Variants in NTRK3 observed in about 807,000 individuals in gnomAD.
The protein encoded by NTRK3 is neurotrophic receptor tyrosine kinase 3, also known as NT-3 growth factor receptor.
Under a neutral mutation model 91.7 loss-of-function variants are expected in NTRK3, and 24 were observed. The observed-to-expected ratio is 0.26, with a 90% CI of 0.19 to 0.37. NTRK3 has a LOEUF of 0.37. Among genes scored for constraint, NTRK3 ranks in the 10% least tolerant of loss-of-function variants. NTRK3 has a pLI of 1.00. For synonymous variants in NTRK3, 483 were observed against 404.0 expected (o/e 1.20, Z -2.34); for missense variants, 880 against 1,068.9 (o/e 0.82, Z 2.46).
Position 88,056,204 on chromosome 15 carries a change from T to TATATATATATATATATA in NTRK3, c.1397-23160_1397-23159insTATATATATATATATAT, listed in dbSNP as rs377120482. ...TATATATATATATATATATATATAT[T>TATATATATATATATATA]TTTTTTTTAATGTAGAACCTTGATC... is the stretch of plus-strand genomic sequence containing the variant. On this transcript the variant is annotated intron_variant, in intron 13 of 18. Coordinates refer to ENST00000394480, the Ensembl canonical transcript of NTRK3. 3.9e-4 allele frequency among the ~76,000 whole-genome samples: 37 copies of TATATATATATATATATA among 95,194 alleles called. 1 individual carries two copies. Among genetic ancestry groups the TATATATATATATATATA allele is most frequent in the African/African-American group, 8.6e-4 (20 of 23,180 alleles). The allele number at this position is 95,194 out of a possible 152,430, so 62.5% of individuals were successfully genotyped here.
chr15:87,897,672 A>G (rs552400119), intron 17 of NTRK3, among the ~76,000 whole-genome samples: 11 of 152,316 alleles, frequency 7.2e-5, no homozygotes, highest in Admixed American at 5.9e-4. Context: ...CTAGATTTTG[A>G]AAAATCTGAC....
Position 88,162,802 on chromosome 15 carries a change from C to T in NTRK3, c.396-15399G>A, listed in dbSNP as rs1212900700. Among the ~76,000 whole-genome samples, 4 of 152,308 alleles carry T rather than the reference C, an allele frequency of 2.6e-5. No individual in the cohort carries two copies. The South Asian group carries it at 8.3e-4, about 32-fold the overall frequency. On this transcript the variant is annotated intron_variant, in intron 5 of 18. Coordinates refer to ENST00000394480, the Ensembl canonical transcript of NTRK3. ...CAGCTTCCTCCTCTTTCTCCAGCTT[C>T]CTGTCTCTTTTTTCCAGTACCTCCC...
intron 17 of NTRK3, among the ~76,000 whole-genome samples, chr15:87,907,032 A>G (rs2141700310): frequency 6.6e-6 from 1 of 152,264 alleles, no homozygotes; most frequent in Admixed American, 6.5e-5. Flanking sequence ...TGTAGCTCCT[A>G]TTTAATTATT....
At chr15:87,899,025 A>G (rs529919647) in intron 17 of NTRK3, among the ~76,000 whole-genome samples, 1 of 152,186 alleles carries the variant, frequency 6.6e-6, no homozygotes, top group Non-Finnish European at 1.5e-5. Context: ...TCTAATTGCA[A>G]CTGTTACTTA....
rs1360129685 is a variant in NTRK3 at position 87,945,805 on chromosome 15, A to G, written c.1586-5052T>C. Among the ~76,000 whole-genome samples, 6 of 34,572 alleles carry G rather than the reference A, an allele frequency of 1.7e-4. No individual in the cohort carries two copies. In the African/African-American group the frequency reaches 2.3e-3, roughly 13 times the overall value. The allele number at this position is 34,572 out of a possible 152,430, so 22.7% of individuals were successfully genotyped here. A position where few individuals can be genotyped will look rare whatever the true frequency, so the allele number is the denominator to read the frequency against. Reference sequence around the variant, plus strand: ...ACTGCTGAAAGAGTGAAGACTGGGAAAAAAAAAAAAAAAAAAAAAAAAAAC... The same window carrying G: ...ACTGCTGAAAGAGTGAAGACTGGGAGAAAAAAAAAAAAAAAAAAAAAAAAC... On this transcript the variant is annotated intron_variant, in intron 14 of 18. Coordinates refer to ENST00000394480, the Ensembl canonical transcript of NTRK3.
At chr15:88,057,912 G>A (rs548399862) in intron 13 of NTRK3, among the ~76,000 whole-genome samples, 2 of 152,340 alleles carry the variant, frequency 1.3e-5, no homozygotes, top group East Asian at 1.9e-4. Flanking sequence ...TACGCTGGGA[G>A]ATGCCTGCTG....
At chr15:88,092,757 G>A (rs202110266) in intron 13 of NTRK3, among the ~76,000 whole-genome samples, 6 of 152,188 alleles carry the variant, frequency 3.9e-5, no homozygotes, top group Non-Finnish European at 5.9e-5. Flanking sequence ...AGCAGCTGAT[G>A]GCATTCCTTG....
chr15:88,239,233 T>TA, intron 3 of NTRK3, among the ~76,000 whole-genome samples: 1 of 152,138 alleles, frequency 6.6e-6, no homozygotes, highest in Admixed American at 6.5e-5. Flanking sequence ...ATCACGAGAC[T>TA]GAGAGTGAAC....
intron 14 of NTRK3, among the ~76,000 whole-genome samples, chr15:87,973,952 C>A (rs147519176): frequency 6.6e-6 from 1 of 152,090 alleles, no homozygotes; most frequent in African/African-American, 2.4e-5. Context: ...ACAAAGGCTC[C>A]GGCTCTTTGC....
At chr15:87,992,695 T>C (rs997299908) in intron 14 of NTRK3, among the ~76,000 whole-genome samples, 4 of 152,236 alleles carry the variant, frequency 2.6e-5, no homozygotes. Context: ...GACCCTGGTT[T>C]GTGGATGCAG....
chr15:88,142,750 A>G (rs2042509246), intron 6 of NTRK3, among the ~76,000 whole-genome samples: 1 of 152,232 alleles, frequency 6.6e-6, no homozygotes, highest in Non-Finnish European at 1.5e-5. Flanking sequence ...TCAAGTGAAT[A>G]CACTGGGTTT....
At chr15:87,897,263 A>T (rs960627562) in intron 17 of NTRK3, among the ~76,000 whole-genome samples, 1 of 152,180 alleles carries the variant, frequency 6.6e-6, no homozygotes, top group African/African-American at 2.4e-5. Context: ...CCAGGAACAC[A>T]TGCCTTTTAT....
exon 19 of NTRK3, chr15:87,870,908 C>T (rs1477824222): frequency 8.7e-6 from 2 of 228,812 alleles, no homozygotes; most frequent in African/African-American, 4.4e-5. Context: ...CGACACTGAA[C>T]AAAAAGCAAT....
chr15:87,953,472 T>C (rs1405057641), intron 14 of NTRK3, among the ~76,000 whole-genome samples: 1 of 152,244 alleles, frequency 6.6e-6, no homozygotes, highest in Non-Finnish European at 1.5e-5. Context: ...TTGTTCTTAC[T>C]AGTCTCTGGG....
intron 13 of NTRK3, among the ~76,000 whole-genome samples, chr15:88,041,529 T>G (rs944759866): frequency 6.6e-6 from 1 of 152,192 alleles, no homozygotes; most frequent in Non-Finnish European, 1.5e-5. Context: ...AGCTTGAAGA[T>G]CCAGTGTGAC....
intron 14 of NTRK3, chr15:87,979,138 T>A (rs2073980564): frequency 1.6e-6 from 1 of 618,916 alleles, no homozygotes; most frequent in Admixed American, 2.8e-5. Flanking sequence ...AGCACAGTGA[T>A]GATTGGAGGG....
At chr15:88,072,545 T>G (rs1166128130) in intron 13 of NTRK3, 1 of 232,764 alleles carries the variant, frequency 4.3e-6, no homozygotes, top group Non-Finnish European at 8.5e-6. Flanking sequence ...TCCTTCTTTA[T>G]TTTTTAACTG....
At chr15:88,001,048 G>A (rs557765018) in intron 14 of NTRK3, among the ~76,000 whole-genome samples, 7 of 152,224 alleles carry the variant, frequency 4.6e-5, no homozygotes, top group African/African-American at 1.7e-4. Flanking sequence ...AACCATTCCA[G>A]TGGGTATAAA....
intron 14 of NTRK3, chr15:87,979,439 G>A (rs1435383994): frequency 6.2e-7 from 1 of 1,611,686 alleles, no homozygotes; most frequent in Admixed American, 1.7e-5. Flanking sequence ...AAGGCTTATT[G>A]GATTCAACAT....
Sources: allele counts gnomAD v4.1 joint callset (sites outside exome capture counted in the v4.1 genomes callset), GRCh38; gene constraint gnomAD v4.1.1; transcripts MANE v1.5; gene names NCBI Gene and HGNC (gene_info 2026-07-23, HGNC 2026-07-21).